APPL2: variants seen among roughly 807,000 people sequenced by gnomAD.
APPL2 encodes the protein DCC-interacting protein 13-beta.
In APPL2, 84 loss-of-function variants were observed where a neutral mutation model predicts 92.7. That is an observed-to-expected ratio of 0.91 (90% CI 0.76 to 1.09). APPL2 has a LOEUF of 1.09. APPL2 is among the 50% of genes least tolerant of loss of function. The pLI, the probability that APPL2 is intolerant of heterozygous loss-of-function variation, is 0.00. For missense variants in APPL2, 736 were observed against 824.5 expected (o/e 0.89, Z 1.31); for synonymous variants, 291 against 291.0 (o/e 1.00, Z 0.00).
chr12:105,186,674 G>GT (rs1886716226), intron 17 of APPL2, among the ~76,000 whole-genome samples: 1 of 47,448 alleles, frequency 2.1e-5, no homozygotes, highest in Non-Finnish European at 5.7e-5. Context: ...TCATATATAT[G>GT]ATATATCATA....
intron 16 of APPL2, among the ~76,000 whole-genome samples, chr12:105,189,421 T>G: frequency 6.6e-6 from 1 of 152,230 alleles, no homozygotes; most frequent in East Asian, 1.9e-4. Context: ...ATCTTCAAAT[T>G]CAAGAACAAG....
In APPL2 at chr12:105,203,010, T is replaced by TAC. The variant is rs3838812; in HGVS notation, c.704+691_704+692dup. ...ATTTCCATTTTGTCTATTTGTCAAC[T>TAC]ACACACACACACACACACACACACA... On this transcript the variant is annotated intron_variant, in intron 9 of 20. Transcript: ENST00000258530. 9.2e-3 allele frequency among the ~76,000 whole-genome samples: 1,350 copies of TAC among 146,016 alleles called. 11 individuals carry two copies. Among genetic ancestry groups the TAC allele is most frequent in the East Asian group, 0.026 (128 of 4,942 alleles).
At chr12:105,211,026 C>T (rs944746682) in intron 5 of APPL2, among the ~76,000 whole-genome samples, 2 of 152,230 alleles carry the variant, frequency 1.3e-5, no homozygotes, top group African/African-American at 4.8e-5. Flanking sequence ...TCTGTTTCCA[C>T]ACCTGTCTTC....
intron 3 of APPL2, 24 bp downstream of exon 3, chr12:105,217,642 C>A (rs1592823595): frequency 6.2e-7 from 1 of 1,612,960 alleles, no homozygotes. Context: ...AGCAGCATCA[C>A]AGGCCACATA....
chr12:105,175,925 C>T lies in APPL2; in HGVS notation c.1860+110G>A, dbSNP rs935263528. On this transcript the variant is annotated intron_variant, in intron 20 of 20. Transcript: ENST00000258530. Reference sequence around the variant, plus strand: ...AATACTTTTAAAAGGAAATCCCAAACTTGGCCACACTTTCCAGTGAACATC... The same window carrying T: ...AATACTTTTAAAAGGAAATCCCAAATTTGGCCACACTTTCCAGTGAACATC... 3 of 1,094,274 alleles carry T rather than the reference C, an allele frequency of 2.7e-6. No homozygotes were observed. In the African/African-American group the frequency reaches 5.0e-5, roughly 18 times the overall value. The allele number at this position is 1,094,274 out of a possible 1,614,324, so 67.8% of individuals were successfully genotyped here.
At chr12:105,186,669 T>TATATC (rs1566056396) in intron 17 of APPL2, among the ~76,000 whole-genome samples, 1 of 64,536 alleles carries the variant, frequency 1.5e-5, no homozygotes, top group African/African-American at 5.4e-5. Flanking sequence ...ATATATCATA[T>TATATC]ATATGATATA....
intron 2 of APPL2, among the ~76,000 whole-genome samples, chr12:105,224,601 A>G (rs1214650192): frequency 6.6e-6 from 1 of 152,240 alleles, no homozygotes; most frequent in African/African-American, 2.4e-5. Context: ...TCTGAGTCTT[A>G]GCTTCCTCAT....
At chr12:105,231,648 G>T (rs1452727791) in intron 1 of APPL2, among the ~76,000 whole-genome samples, 3 of 152,220 alleles carry the variant, frequency 2.0e-5, no homozygotes, top group Non-Finnish European at 4.4e-5. Flanking sequence ...GCCCTGACTG[G>T]AGGCAGGACA....
intron 4 of APPL2, among the ~76,000 whole-genome samples, chr12:105,215,416 G>T (rs759165396): frequency 3.9e-5 from 6 of 152,136 alleles, no homozygotes; most frequent in Non-Finnish European, 7.4e-5. Context: ...GAATGAGTTT[G>T]TCTTTTTCCT....
At chr12:105,203,930 C>T (rs1228161592) in intron 8 of APPL2, 145 bp from the exon 9 acceptor site, 1 of 667,600 alleles carries the variant, frequency 1.5e-6, no homozygotes, top group Non-Finnish European at 2.6e-6. Context: ...TCTACTGAGT[C>T]TACACCTGAG....
intron 5 of APPL2, among the ~76,000 whole-genome samples, chr12:105,208,708 AGTTGC>A (rs1888968707): frequency 6.6e-6 from 1 of 152,186 alleles, no homozygotes; most frequent in Admixed American, 6.5e-5. Context: ...AGCATACTGT[AGTTGC>A]GACAAGCCAA....
intron 17 of APPL2, among the ~76,000 whole-genome samples, chr12:105,180,272 G>A (rs1026157228): frequency 5.3e-5 from 8 of 152,130 alleles, no homozygotes; most frequent in Non-Finnish European, 1.0e-4. Context: ...GTTTGTCAAA[G>A]ATCAGATGGT....
chr12:105,230,295 T>C (rs150098060), intron 1 of APPL2, among the ~76,000 whole-genome samples: 192 of 152,288 alleles, frequency 1.3e-3, no homozygotes, highest in African/African-American at 4.3e-3. Flanking sequence ...ATCATTTTCA[T>C]CCACGGTGCT....
At chr12:105,212,628 T>C (rs1328107377) in intron 4 of APPL2, among the ~76,000 whole-genome samples, 1 of 152,258 alleles carries the variant, frequency 6.6e-6, no homozygotes, top group African/African-American at 2.4e-5. Flanking sequence ...GGAAGGGATC[T>C]TCCCACTAGA....
chr12:105,189,874 G>GC, intron 15 of APPL2, 50 bp from the exon 16 acceptor site: 1 of 1,611,300 alleles, frequency 6.2e-7, no homozygotes, highest in Non-Finnish European at 8.5e-7. Flanking sequence ...AGCTAGAAGG[G>GC]CACTTAACAC....
chr12:105,177,651 A>C (rs1022755327), intron 17 of APPL2, among the ~76,000 whole-genome samples: 1 of 152,250 alleles, frequency 6.6e-6, no homozygotes, highest in African/African-American at 2.4e-5. Flanking sequence ...AGATCAACTT[A>C]GTCTAAATTT....
In APPL2 at chr12:105,186,773, G is replaced by A. The variant is rs115666941; in HGVS notation, c.1634+1500C>T. ...AACATCTGTGAGACAGTGTGCATGC[G>A]TGCGCACGCCATCTTAATATGGAGT... is the stretch of plus-strand genomic sequence containing the variant. On this transcript the variant is annotated intron_variant, in intron 17 of 20. Transcript: ENST00000258530. Among the ~76,000 whole-genome samples the A allele has an allele frequency of 4.0e-3, 601 of 148,538 alleles. 3 individuals carry two copies. The highest frequency in any genetic ancestry group is 0.014 in the African/African-American group (574 of 40,326).
chr12:105,213,877 T>C (rs184353900), intron 4 of APPL2, among the ~76,000 whole-genome samples: 51 of 152,308 alleles, frequency 3.3e-4, no homozygotes, highest in African/African-American at 1.2e-3. Context: ...CAGGGTGCCA[T>C]GATACTACCT....
chr12:105,228,312 G>C (rs111360010), intron 2 of APPL2, among the ~76,000 whole-genome samples: 252 of 152,254 alleles, frequency 1.7e-3, no homozygotes, highest in African/African-American at 5.7e-3. Flanking sequence ...GCTCCAATGA[G>C]CATTTCGTTT....
Sources: allele counts gnomAD v4.1 joint callset (sites outside exome capture counted in the v4.1 genomes callset), GRCh38; gene constraint gnomAD v4.1.1; transcripts MANE v1.5; gene names NCBI Gene and HGNC (gene_info 2026-07-23, HGNC 2026-07-21).